The following HMGCLL1 variants were observed in gnomAD, a reference collection of about 807,000 sequenced individuals.
HMGCLL1 encodes the protein 3-hydroxy-3-methylglutaryl-CoA lyase like 1.
HMGCLL1 carries 36 observed loss-of-function variants against 39.1 expected under a neutral mutation model. That is an observed-to-expected ratio of 0.92 (90% CI 0.71 to 1.22). HMGCLL1 has a LOEUF of 1.22. Ranked by LOEUF, HMGCLL1 falls within the 50% of genes most tolerant of loss-of-function variation. HMGCLL1 has a pLI of 0.00. For missense variants in HMGCLL1, 451 were observed against 416.5 expected, an observed-to-expected ratio of 1.08 and a Z score of -0.72; for synonymous variants, 149 against 144.0, an observed-to-expected ratio of 1.03 and a Z score of -0.25.
chr6:55,490,501 A>G (rs1471726528), intron 7 of HMGCLL1, among the ~76,000 whole-genome samples: 1 of 152,128 alleles, frequency 6.6e-6, no homozygotes, highest in Non-Finnish European at 1.5e-5. Flanking sequence ...TGCCCATTTG[A>G]TCAGCATGGA....
chr6:55,447,671 C>G (rs1763913782), intron 7 of HMGCLL1, among the ~76,000 whole-genome samples: 2 of 152,064 alleles, frequency 1.3e-5, no homozygotes, highest in Admixed American at 1.3e-4. Flanking sequence ...GAATTGCTTA[C>G]TTTTTCACAA....
chr6:55,513,932 G>A (rs948337775), intron 5 of HMGCLL1, 116 bp downstream of exon 5: 2 of 891,110 alleles, frequency 2.2e-6, no homozygotes, highest in East Asian at 2.7e-5. Context: ...AAACAAAATA[G>A]AAATATGATA....
chr6:55,578,832 G>C lies in HMGCLL1; in HGVS notation c.108+116C>G, dbSNP rs1771889393. 9 of 724,578 alleles carry C rather than the reference G, an allele frequency of 1.2e-5. No homozygotes were observed. In the South Asian group the frequency reaches 1.4e-4, roughly 11 times the overall value. The allele number at this position is 724,578 out of a possible 1,614,324, so 44.9% of individuals were successfully genotyped here. ...AACACGACAGAACTGCTGCGGGAAG[G>C]GTCCTGGGGTGAGGAGGTGACATAA... On this transcript the variant is annotated intron_variant, in intron 1 of 8. Coordinates refer to ENST00000274901, the MANE Select transcript of HMGCLL1 (RefSeq NM_001042406.2).
chr6:55,627,016 C>T, the HMGCLL1 span, among the ~76,000 whole-genome samples: 1 of 144,318 alleles, frequency 6.9e-6, no homozygotes, highest in African/African-American at 2.6e-5. Flanking sequence ...TGACCCAGAC[C>T]CTTCAGGAAT....
At chr6:55,533,931 G>C (rs1011266083) in intron 3 of HMGCLL1, among the ~76,000 whole-genome samples, 1 of 148,732 alleles carries the variant, frequency 6.7e-6, no homozygotes, top group African/African-American at 2.5e-5. Flanking sequence ...AAAGATGTCA[G>C]TACAGAGTTA....
chr6:55,654,688 T>G, the HMGCLL1 span, among the ~76,000 whole-genome samples: 2 of 151,922 alleles, frequency 1.3e-5, no homozygotes, highest in East Asian at 3.9e-4. Flanking sequence ...AATGGGTACC[T>G]GGAAAACAGC....
At chr6:55,636,733 A>G in the HMGCLL1 span, among the ~76,000 whole-genome samples, 1 of 152,160 alleles carries the variant, frequency 6.6e-6, no homozygotes, top group African/African-American at 2.4e-5. Flanking sequence ...AAATGGTATC[A>G]CTTTTAAATC....
At chr6:55,627,961 A>ACT in the HMGCLL1 span, among the ~76,000 whole-genome samples, 1 of 848 alleles carries the variant, frequency 1.2e-3, no homozygotes, top group Non-Finnish European at 2.2e-3. Flanking sequence ...CTATATATAT[A>ACT]ATATATATAT....
the HMGCLL1 span, among the ~76,000 whole-genome samples, chr6:55,660,755 A>T: frequency 6.6e-6 from 1 of 151,768 alleles, no homozygotes; most frequent in African/African-American, 2.4e-5. Flanking sequence ...GGGCAGGAAA[A>T]TTTTAAAAAG....
the HMGCLL1 span, among the ~76,000 whole-genome samples, chr6:55,650,108 T>TAC: frequency 6.6e-4 from 50 of 75,788 alleles, 1 homozygote; most frequent in African/African-American, 2.7e-3. Context: ...TATATATATA[T>TAC]ATATATATAT....
At chr6:55,636,228 A>G in the HMGCLL1 span, among the ~76,000 whole-genome samples, 1 of 152,164 alleles carries the variant, frequency 6.6e-6, no homozygotes, top group Non-Finnish European at 1.5e-5. Flanking sequence ...TTTAAACTAG[A>G]AAAAAAGCCA....
chr6:55,611,349 G>C, the HMGCLL1 span, among the ~76,000 whole-genome samples: 1 of 152,124 alleles, frequency 6.6e-6, no homozygotes, highest in South Asian at 2.1e-4. Context: ...CAACTAAAAG[G>C]ACCAGACTGA....
chr6:55,675,933 T>C, the HMGCLL1 span, among the ~76,000 whole-genome samples: 1 of 152,182 alleles, frequency 6.6e-6, no homozygotes, highest in Non-Finnish European at 1.5e-5. Context: ...GAATTGTTAG[T>C]AATACAATCA....
rs2127457109 is a variant in HMGCLL1, at chr6:55,542,139, T to G, written c.110A>C (p.Glu37Ala). ...SVAGALDPAQ[E>A]TSQLSGLPEF... ...AGGGAGTCCAGATAACTGGGATGTT[T>G]CCTGAAATGCAAAATGTAAGAACAA... Residue 37 changes from glutamate (E) to alanine (A), a missense_variant and splice_region_variant, in exon 2 of 9, where the codon GAA (glutamate) becomes GCA (alanine). Glu to Ala is a moderately radical substitution (Grantham distance 107). Coordinates refer to ENST00000274901, the MANE Select transcript of HMGCLL1 (RefSeq NM_001042406.2). The G allele has an allele frequency of 6.3e-7, 1 of 1,599,434 alleles. No homozygotes were observed. Among genetic ancestry groups the G allele is most frequent in the Non-Finnish European group, 8.6e-7 (1 of 1,169,322 alleles).
the HMGCLL1 span, among the ~76,000 whole-genome samples, chr6:55,678,442 T>G: frequency 1.3e-5 from 2 of 151,696 alleles, no homozygotes; most frequent in African/African-American, 4.8e-5. Flanking sequence ...CTTTATGGTC[T>G]TAAGGGGGCC....
At position 55,471,509 on chromosome 6, in the gene HMGCLL1, A is replaced by G. The variant is rs549828242; in HGVS notation, c.795+23910T>C. ...AGAGTTTCTGTAAGTCTACATCTTT[A>G]CCAACATTAGATACTGTCTGGCTTT... On this transcript the variant is annotated intron_variant, in intron 7 of 8. Transcript: ENST00000274901. Among the ~76,000 whole-genome samples the G allele has an allele frequency of 4.6e-5, 7 of 151,858 alleles. No individual in the cohort carries two copies. In the East Asian group the frequency reaches 9.7e-4, roughly 21 times the overall value.
At chr6:55,545,470 C>T (rs145928440) in intron 1 of HMGCLL1, among the ~76,000 whole-genome samples, 2 of 152,130 alleles carry the variant, frequency 1.3e-5, no homozygotes, top group African/African-American at 2.4e-5. Context: ...TTTAGTCTTT[C>T]TAGACTATCT....
At chr6:55,481,376 C>A (rs1312567000) in intron 7 of HMGCLL1, among the ~76,000 whole-genome samples, 1 of 151,800 alleles carries the variant, frequency 6.6e-6, no homozygotes, top group African/African-American at 2.4e-5. Flanking sequence ...ATTTATTGTA[C>A]ATTTAAAAAT....
chr6:55,618,208 G>A, the HMGCLL1 span, among the ~76,000 whole-genome samples: 122 of 152,060 alleles, frequency 8.0e-4, no homozygotes, highest in Middle Eastern at 3.4e-3. Context: ...AACGTCTGGG[G>A]TCTGGTAATG....
Sources: allele counts gnomAD v4.1 joint callset (sites outside exome capture counted in the v4.1 genomes callset), GRCh38; gene constraint gnomAD v4.1.1; transcripts MANE v1.5; gene names NCBI Gene and HGNC (gene_info 2026-07-23, HGNC 2026-07-21).